The following DISC1 variants were observed in gnomAD, a reference collection of about 807,000 sequenced individuals.
DISC1 encodes the protein disrupted in schizophrenia 1 protein.
Under a neutral mutation model 84.5 loss-of-function variants are expected in DISC1, and 57 were observed. The observed-to-expected ratio is 0.67, with a 90% CI of 0.55 to 0.84. The LOEUF is 0.84. Among genes scored for constraint, DISC1 ranks in the 40% least tolerant of loss-of-function variants. The pLI is 0.00. For synonymous variants in DISC1, 411 were observed against 415.2 expected (o/e 0.99, Z 0.12); for missense variants, 1,000 against 1,057.8 (o/e 0.95, Z 0.76).
intron 6 of DISC1, among the ~76,000 whole-genome samples, chr1:231,776,902 G>A (rs2077003773): frequency 6.6e-6 from 1 of 152,180 alleles, no homozygotes; most frequent in Non-Finnish European, 1.5e-5. Flanking sequence ...GCAGCTGTGT[G>A]GGAGGGGTCC....
At chr1:231,955,991 T>A (rs749587932) in intron 9 of DISC1, among the ~76,000 whole-genome samples, 10 of 152,228 alleles carry the variant, frequency 6.6e-5, no homozygotes, top group Non-Finnish European at 8.8e-5. Flanking sequence ...AAGGGTACTC[T>A]GACCATCTGC....
intron 9 of DISC1, among the ~76,000 whole-genome samples, chr1:231,917,604 A>C (rs920730942): frequency 6.6e-6 from 1 of 152,196 alleles, no homozygotes; most frequent in Non-Finnish European, 1.5e-5. Context: ...CAGGACTGAC[A>C]GTTCCTTCCT....
In DISC1 at chr1:231,767,146, C is replaced by A. The variant is rs772042563; in HGVS notation, c.1275C>A (p.Ser425Arg). 1.2e-6 allele frequency: 2 copies of A among 1,613,992 alleles called. No homozygotes were observed. Among genetic ancestry groups the A allele is most frequent in the Non-Finnish European group, 8.5e-7 (1 of 1,180,016 alleles). The change falls in exon 5 of 13, where the codon AGC (serine) becomes AGA (arginine). Residue 425 changes from serine (S) to arginine (R), a missense_variant. Ser to Arg is a moderately radical substitution (Grantham distance 110). Around this residue, in one of 3 missense-constraint regions of DISC1, gnomAD observed 311 missense variants for 400.1 expected, o/e 0.78. Coordinates refer to ENST00000439617, the MANE Select transcript of DISC1 (RefSeq NM_018662.3). ...ALRRGATQQA[S>R]GDDTHTPLRM... Reference sequence around the variant, plus strand: ...AGGTATGTGTTGTTTTAAGGGCCAGCGGAGATGACACCCACACCCCACTGA... The same window carrying A: ...AGGTATGTGTTGTTTTAAGGGCCAGAGGAGATGACACCCACACCCCACTGA...
intron 1 of DISC1, among the ~76,000 whole-genome samples, chr1:231,691,065 T>G (rs2125632757): frequency 6.6e-6 from 1 of 152,178 alleles, no homozygotes; most frequent in East Asian, 1.9e-4. Context: ...GTGGGTAACC[T>G]CACTGTGCTG....
At chr1:231,812,276 T>C (rs2080383966) in intron 8 of DISC1, among the ~76,000 whole-genome samples, 1 of 152,138 alleles carries the variant, frequency 6.6e-6, no homozygotes, top group Admixed American at 6.5e-5. Flanking sequence ...CAGGCTGGTC[T>C]CCAACTCCTC....
intron 3 of DISC1, among the ~76,000 whole-genome samples, chr1:231,714,294 A>G (rs781177361): frequency 8.5e-5 from 13 of 152,186 alleles, no homozygotes; most frequent in African/African-American, 2.2e-4. Context: ...ACACCCATAT[A>G]TCTGTGTCCA....
chr1:231,767,134 T>C lies in DISC1; in HGVS notation c.1269-6T>C. 1.2e-6 allele frequency: 2 copies of C among 1,614,088 alleles called. No homozygotes were observed. Among genetic ancestry groups the C allele is most frequent in the East Asian group, 4.5e-5 (2 of 44,870 alleles). ...ACCTGTACCAATAGGTATGTGTTGT[T>C]TTAAGGGCCAGCGGAGATGACACCC... On this transcript the variant is annotated splice_region_variant and splice_polypyrimidine_tract_variant and intron_variant, in intron 4 of 12. Coordinates refer to ENST00000439617, the MANE Select transcript of DISC1 (RefSeq NM_018662.3).
chr1:231,847,593 C>T (rs1228403467), intron 9 of DISC1, among the ~76,000 whole-genome samples: 1 of 152,192 alleles, frequency 6.6e-6, no homozygotes, highest in Admixed American at 6.5e-5. Flanking sequence ...CGTCCTCGCT[C>T]CTTCACATGC....
At chr1:231,981,937 A>G (rs1558804973) in intron 10 of DISC1, among the ~76,000 whole-genome samples, 1 of 152,206 alleles carries the variant, frequency 6.6e-6, no homozygotes, top group Non-Finnish European at 1.5e-5. Flanking sequence ...AGCAGTTGGT[A>G]TGTAGAGAAG....
chr1:231,761,571 G>A (rs1173321702), intron 4 of DISC1, among the ~76,000 whole-genome samples: 1 of 152,128 alleles, frequency 6.6e-6, no homozygotes. Context: ...AGTAATGAAT[G>A]TGATTAATGA....
intron 9 of DISC1, among the ~76,000 whole-genome samples, chr1:231,856,498 A>G (rs528775240): frequency 6.6e-6 from 1 of 152,324 alleles, no homozygotes; most frequent in South Asian, 2.1e-4. Context: ...CAGTGACTGC[A>G]GCCCCGTTAG....
Position 232,008,936 on chromosome 1 carries a change from A to AT in DISC1, c.2196dup (p.Pro733SerfsTer9), listed in dbSNP as rs769728969. On this transcript the variant is annotated frameshift_variant, in exon 11 of 13. Coordinates refer to ENST00000439617, the MANE Select transcript of DISC1 (RefSeq NM_018662.3). LOFTEE classifies it high-confidence loss of function. The stretch of plus-strand genomic sequence containing the variant: ...TGACTTAGAGGGAGCTGCTCCTCCT[A>AT]TTCCCCCCAGGCTCCACTCCGAGGA... The AT allele has an allele frequency of 2.5e-6, 4 of 1,613,544 alleles. No homozygotes were observed. In the East Asian group the frequency reaches 8.9e-5, roughly 36 times the overall value.
intron 3 of DISC1, among the ~76,000 whole-genome samples, chr1:231,716,502 C>G (rs372632938): frequency 6.6e-6 from 1 of 151,916 alleles, no homozygotes; most frequent in Non-Finnish European, 1.5e-5. Flanking sequence ...TGCTTTGTTG[C>G]ATGACATTGG....
chr1:231,706,988 A>G lies in DISC1; in HGVS notation c.1117+4964A>G, dbSNP rs529814908. Among the ~76,000 whole-genome samples the G allele has an allele frequency of 2.6e-5, 4 of 152,194 alleles. No homozygotes were observed. In the South Asian group the frequency reaches 8.3e-4, roughly 32 times the overall value. On this transcript the variant is annotated intron_variant, in intron 3 of 12. Coordinates refer to ENST00000439617, the MANE Select transcript of DISC1 (RefSeq NM_018662.3). ...CAGGAGCCTGGCAGTTAGAACCAGA[A>G]TCCCTGCCACATAAGCGTTGATGTG...
chr1:231,663,212 A>G (rs2061708158), intron 1 of DISC1, among the ~76,000 whole-genome samples: 1 of 152,256 alleles, frequency 6.6e-6, no homozygotes, highest in South Asian at 2.1e-4. Context: ...AAAAATTTTT[A>G]CAAGAAAAAA....
chr1:232,002,634 CACACAAAA>C (rs1666852453), intron 10 of DISC1, among the ~76,000 whole-genome samples: 1 of 146,128 alleles, frequency 6.8e-6, no homozygotes, highest in African/African-American at 2.6e-5. Flanking sequence ...CACACACACA[CACACAAAA>C]GCCAATCCCT....
chr1:231,935,886 A>C (rs201150766), intron 9 of DISC1, among the ~76,000 whole-genome samples: 6 of 152,200 alleles, frequency 3.9e-5, no homozygotes, highest in African/African-American at 7.2e-5. Context: ...AACGTATGGA[A>C]GTTACATGCG....
intron 1 of DISC1, among the ~76,000 whole-genome samples, chr1:231,690,283 T>C (rs2064834074): frequency 6.6e-6 from 1 of 152,180 alleles, no homozygotes; most frequent in Admixed American, 6.5e-5. Flanking sequence ...AATTGATCTG[T>C]TGCGGAACAA....
intron 9 of DISC1, among the ~76,000 whole-genome samples, chr1:231,865,553 C>T (rs2084992539): frequency 6.6e-6 from 1 of 152,222 alleles, no homozygotes; most frequent in Admixed American, 6.5e-5. Context: ...GATCTGTAGA[C>T]TGACGTCTAT....
Sources: gnomAD v4.1 joint callset for allele counts (sites outside exome capture counted in the v4.1 genomes callset) on GRCh38, gnomAD v4.1.1 for gene constraint, gnomAD v4.1.1 regional missense constraint, MANE v1.5 for transcripts, NCBI Gene and HGNC (gene_info 2026-07-23, HGNC 2026-07-21) for gene names.